The following ANKS1A variants were observed in gnomAD, a reference collection of about 807,000 sequenced individuals.
The protein encoded by ANKS1A is ankyrin repeat and SAM domain-containing protein 1A.
In ANKS1A, 55 loss-of-function variants were observed where a neutral mutation model predicts 120.3. The ratio of observed to expected loss-of-function variants is 0.46; its 90% confidence interval spans 0.37 to 0.57. The LOEUF (loss-of-function observed/expected upper bound fraction) is 0.57. Among genes scored for constraint, ANKS1A ranks in the 20% least tolerant of loss-of-function variants. ANKS1A has a pLI of 0.00. For synonymous variants in ANKS1A, 590 were observed against 604.7 expected, an observed-to-expected ratio of 0.98 and a Z score of 0.36; for missense variants, 1,123 against 1,480.3, an observed-to-expected ratio of 0.76 and a Z score of 3.96.
intron 1 of ANKS1A, among the ~76,000 whole-genome samples, chr6:34,898,617 G>A (rs1007281077): frequency 2.0e-5 from 3 of 152,062 alleles, no homozygotes; most frequent in African/African-American, 7.2e-5. Context: ...TAGAAAAATT[G>A]CAAGACAAAG....
chr6:34,981,251 G>T lies in ANKS1A; in HGVS notation c.436-439G>T, dbSNP rs188206270. On this transcript the variant is annotated intron_variant, in intron 3 of 23. Coordinates refer to ENST00000360359, the MANE Select transcript of ANKS1A (RefSeq NM_015245.3). ...TTTTATTAAAAAGCTTATGTGTAAG[G>T]CAATGGATGGTTGACAAATCCAGAA... Among the ~76,000 whole-genome samples, 76 of 152,320 alleles carry T rather than the reference G, an allele frequency of 5.0e-4. No individual in the cohort carries two copies. The South Asian group carries it at 5.2e-3, about 10-fold the overall frequency.
intron 1 of ANKS1A, among the ~76,000 whole-genome samples, chr6:34,937,311 AT>A (rs1696017691): frequency 1.3e-5 from 2 of 149,964 alleles, no homozygotes; most frequent in Middle Eastern, 3.5e-3. Context: ...TCTTAAAAAA[AT>A]ATATATATAT....
intron 11 of ANKS1A, among the ~76,000 whole-genome samples, chr6:35,041,499 T>C (rs1775455027): frequency 6.6e-6 from 1 of 152,198 alleles, no homozygotes; most frequent in Admixed American, 6.5e-5. Flanking sequence ...AGAAAATTTG[T>C]ACACTCCATA....
intron 8 of ANKS1A, 21 bp from the exon 9 acceptor site, chr6:34,989,199 ATATT>A: frequency 6.2e-7 from 1 of 1,605,604 alleles, no homozygotes; most frequent in Middle Eastern, 1.7e-4. Context: ...AGATCGCAAA[ATATT>A]TATTTTTTTC....
At chr6:34,946,447 G>T (rs1007468837) in intron 1 of ANKS1A, among the ~76,000 whole-genome samples, 1 of 152,006 alleles carries the variant, frequency 6.6e-6, no homozygotes, top group Non-Finnish European at 1.5e-5. Flanking sequence ...TATTAGTCGG[G>T]CATGGTGGTG....
At chr6:34,897,220 C>T (rs990196558) in intron 1 of ANKS1A, among the ~76,000 whole-genome samples, 13 of 152,004 alleles carry the variant, frequency 8.6e-5, no homozygotes, top group Admixed American at 6.6e-4. Flanking sequence ...AACAATGAAA[C>T]AAGCTTGTGA....
intron 1 of ANKS1A, among the ~76,000 whole-genome samples, chr6:34,915,562 G>GA (rs1456132126): frequency 2.6e-5 from 4 of 152,110 alleles, no homozygotes; most frequent in African/African-American, 9.7e-5. Flanking sequence ...GCCCAGGCTG[G>GA]TCTTAAACTC....
At chr6:35,076,174 A>G (rs144116269) in intron 13 of ANKS1A, among the ~76,000 whole-genome samples, 4,407 of 152,306 alleles carry the variant, frequency 0.029, 225 homozygotes, top group African/African-American at 0.099. Flanking sequence ...CTGTAATCCC[A>G]GCACTTTGGG....
Position 35,084,846 on chromosome 6 carries a change from A to G in ANKS1A, c.3132+588A>G, listed in dbSNP as rs1777879260. 6.6e-6 allele frequency among the ~76,000 whole-genome samples: 1 copy of G among 152,106 alleles called. No homozygotes were observed. The highest frequency in any genetic ancestry group is 1.5e-5 in the Non-Finnish European group (1 of 68,016). Reference sequence around the variant, plus strand: ...TGGGCCGAGGAGAGTTCATTCTCACACAGCTGCCCACAGGGAGCAGACCAG... The same window carrying G: ...TGGGCCGAGGAGAGTTCATTCTCACGCAGCTGCCCACAGGGAGCAGACCAG... On this transcript the variant is annotated intron_variant, in intron 21 of 23. Coordinates refer to ENST00000360359, the MANE Select transcript of ANKS1A (RefSeq NM_015245.3). This position sits in a 1 kb window ranked among gnomAD's most constrained non-coding sequence, Gnocchi z 4.8.
rs2127614464 is a variant in ANKS1A, at chr6:35,084,964, G to A, written c.3132+706G>A. Among the ~76,000 whole-genome samples, 1 of 152,298 alleles carries A rather than the reference G, an allele frequency of 6.6e-6. No individual in the cohort carries two copies. ...TTCCTCACCCCGGGAGGAAGTCAGA[G>A]GGGTCCAGGTCTCTGCCGCCCTCAG... On this transcript the variant is annotated intron_variant, in intron 21 of 23. Transcript: ENST00000360359. The surrounding 1 kb of genome is among the most constrained non-coding windows in gnomAD (Gnocchi z 4.8).
At chr6:34,924,913 G>A (rs934456923) in intron 1 of ANKS1A, among the ~76,000 whole-genome samples, 1 of 152,098 alleles carries the variant, frequency 6.6e-6, no homozygotes, top group Non-Finnish European at 1.5e-5. Flanking sequence ...GAGCCACCAC[G>A]CCTGGCCGAT....
chr6:34,918,069 A>G (rs772736938), intron 1 of ANKS1A, among the ~76,000 whole-genome samples: 34 of 152,140 alleles, frequency 2.2e-4, no homozygotes, highest in Admixed American at 1.1e-3. Context: ...CCGTGTTCCT[A>G]GGACCAGACC....
chr6:35,056,495 A>G (rs1398453309), intron 12 of ANKS1A, among the ~76,000 whole-genome samples: 3 of 152,086 alleles, frequency 2.0e-5, no homozygotes, highest in South Asian at 2.1e-4. Context: ...TCACCGTGTT[A>G]GCCAGGATGG....
intron 1 of ANKS1A, among the ~76,000 whole-genome samples, chr6:34,946,093 G>A (rs1315753603): frequency 2.0e-5 from 3 of 151,232 alleles, no homozygotes; most frequent in Non-Finnish European, 4.4e-5. Context: ...CAGTTCTCCT[G>A]CCTCAGCCTC....
chr6:35,082,644 G>GCTC lies in ANKS1A; in HGVS notation c.2710-43_2710-41dup. On this transcript the variant is annotated intron_variant, in intron 17 of 23. Coordinates refer to ENST00000360359, the MANE Select transcript of ANKS1A (RefSeq NM_015245.3). The surrounding 1 kb of genome is among the most constrained non-coding windows in gnomAD (Gnocchi z 4.1). Reference sequence around the variant, plus strand: ...CTGGAGCCAGGCAGCAAGCCCATGTGCTCCTCTGGAGCAAGGAGCAGGTGT... The same window carrying GCTC: ...CTGGAGCCAGGCAGCAAGCCCATGTGCTCCTCCTCTGGAGCAAGGAGCAGGTGT... The GCTC allele has an allele frequency of 6.4e-7, 1 of 1,559,362 alleles. No individual in the cohort carries two copies.
chr6:34,994,252 C>G, intron 9 of ANKS1A, 50 bp from the exon 10 acceptor site: 1 of 1,594,310 alleles, frequency 6.3e-7, no homozygotes, highest in Non-Finnish European at 8.5e-7. Context: ...GACTGCCTGT[C>G]TTGGTATTAG....
chr6:35,090,439 C>CGT lies in ANKS1A; in HGVS notation c.*1831_*1832insTG. ...GGTCCGAAAGAAACCGCAGACACTACGATGCACTCCTCAAGCTGTCTTTTG... is the reference window on the plus strand; with the variant it reads ...GGTCCGAAAGAAACCGCAGACACTACGTGATGCACTCCTCAAGCTGTCTTTTG... On this transcript the variant is annotated 3_prime_UTR_variant, in exon 24 of 24. Coordinates refer to ENST00000360359, the MANE Select transcript of ANKS1A (RefSeq NM_015245.3). 8.5e-7 allele frequency: 1 copy of CGT among 1,183,430 alleles called. No individual in the cohort carries two copies. The highest frequency in any genetic ancestry group is 1.6e-5 in the South Asian group (1 of 62,724). The allele number at this position is 1,183,430 out of a possible 1,614,324, so 73.3% of individuals were successfully genotyped here.
At chr6:35,063,048 G>A (rs1331370648) in intron 13 of ANKS1A, among the ~76,000 whole-genome samples, 1 of 152,210 alleles carries the variant, frequency 6.6e-6, no homozygotes, top group African/African-American at 2.4e-5. Context: ...AGCTGGACAG[G>A]CAGGCAACTT....
intron 10 of ANKS1A, among the ~76,000 whole-genome samples, chr6:34,997,415 C>T (rs558443185): frequency 9.2e-5 from 14 of 152,044 alleles, no homozygotes; most frequent in Admixed American, 2.6e-4. Context: ...AGGCTGATCT[C>T]GAACTCCTGA....
Sources: allele counts gnomAD v4.1 joint callset (sites outside exome capture counted in the v4.1 genomes callset), GRCh38; gene constraint gnomAD v4.1.1; non-coding constraint Gnocchi (gnomAD v3.1); transcripts MANE v1.5; gene names NCBI Gene and HGNC (gene_info 2026-07-23, HGNC 2026-07-21).